PPP2R3A: variants seen among roughly 807,000 people sequenced by gnomAD.
PPP2R3A encodes the protein serine/threonine-protein phosphatase 2A regulatory subunit B'' subunit alpha.
In PPP2R3A, 80 loss-of-function variants were observed where a neutral mutation model predicts 106.9. That is an observed-to-expected ratio of 0.75 (90% CI 0.62 to 0.90). The LOEUF (loss-of-function observed/expected upper bound fraction) is 0.90. Ranked by LOEUF, PPP2R3A falls within the 40% of genes least tolerant of loss-of-function variation. The pLI is 0.00. For missense variants in PPP2R3A, 1,386 were observed against 1,350.4 expected, an observed-to-expected ratio of 1.03 and a Z score of -0.41; for synonymous variants, 483 against 468.3, an observed-to-expected ratio of 1.03 and a Z score of -0.41.
At chr3:136,035,097 G>A (rs1442004541) in intron 3 of PPP2R3A, among the ~76,000 whole-genome samples, 1 of 152,026 alleles carries the variant, frequency 6.6e-6, no homozygotes, top group African/African-American at 2.4e-5. Context: ...CCTTAAGTTT[G>A]TGCAAGTCCT....
At chr3:136,016,697 G>T (rs1229430749) in intron 2 of PPP2R3A, among the ~76,000 whole-genome samples, 1 of 152,048 alleles carries the variant, frequency 6.6e-6, no homozygotes, top group African/African-American at 2.4e-5. Flanking sequence ...TTAAGTCTCT[G>T]TGAGTCCTTA....
chr3:136,128,664 C>T (rs116814272), intron 13 of PPP2R3A, among the ~76,000 whole-genome samples: 12,432 of 152,108 alleles, frequency 0.082, 649 homozygotes, highest in African/African-American at 0.15. Context: ...CTGCAACAAG[C>T]GACCTAATAG....
Position 136,147,171 on chromosome 3 carries a change from A to G in PPP2R3A, c.*2005A>G, listed in dbSNP as rs1425438026. On this transcript the variant is annotated 3_prime_UTR_variant, in exon 14 of 14. Transcript: ENST00000264977. ...TCACTTGAGCCCAGGAGTAAAGACC[A>G]GCCTGGGCAACATAGTGAGACTCCG... is the stretch of plus-strand genomic sequence containing the variant. 1 of 152,240 alleles carries G rather than the reference A, an allele frequency of 6.6e-6. No homozygotes were observed. The highest frequency in any genetic ancestry group is 2.4e-5 in the African/African-American group (1 of 41,422). 9.4% of individuals were successfully genotyped at this position (152,240 alleles called of 1,614,324 possible).
intron 4 of PPP2R3A, among the ~76,000 whole-genome samples, chr3:136,041,229 G>A (rs1185957113): frequency 6.6e-5 from 6 of 90,292 alleles, no homozygotes; most frequent in Non-Finnish European, 1.2e-4. Flanking sequence ...GTTTTACTTG[G>A]TTTTTCTTGT....
At chr3:135,990,647 C>T (rs1214775317) in intron 1 of PPP2R3A, among the ~76,000 whole-genome samples, 1 of 152,100 alleles carries the variant, frequency 6.6e-6, no homozygotes, top group Admixed American at 6.6e-5. Context: ...TAGAAAGGGA[C>T]AGGACTTAAA....
intron 2 of PPP2R3A, among the ~76,000 whole-genome samples, chr3:136,024,107 A>G (rs1371531883): frequency 1.3e-5 from 2 of 152,136 alleles, no homozygotes; most frequent in Non-Finnish European, 2.9e-5. Context: ...TCTAAATGAT[A>G]CTGTGTTTAT....
intron 1 of PPP2R3A, among the ~76,000 whole-genome samples, chr3:135,983,783 A>G (rs1351238152): frequency 6.6e-6 from 1 of 152,156 alleles, no homozygotes; most frequent in Non-Finnish European, 1.5e-5. Flanking sequence ...ACATGCTTTT[A>G]ATTATGTCCT....
chr3:136,112,169 A>C lies in PPP2R3A; in HGVS notation c.3329+5847A>C, dbSNP rs1346891007. Among the ~76,000 whole-genome samples, 7 of 152,196 alleles carry C rather than the reference A, an allele frequency of 4.6e-5. No homozygotes were observed. In the South Asian group the frequency reaches 1.2e-3, roughly 27 times the overall value. On this transcript the variant is annotated intron_variant, in intron 13 of 13. Coordinates refer to ENST00000264977, the MANE Select transcript of PPP2R3A (RefSeq NM_002718.5). Reference sequence around the variant, plus strand: ...AAAATAATAAGGGCCATCTATGACAAACCCACAGCCAGCGTCACAATGAAT... The same window carrying C: ...AAAATAATAAGGGCCATCTATGACACACCCACAGCCAGCGTCACAATGAAT...
chr3:136,030,761 C>CATATATAT (rs374923726), intron 3 of PPP2R3A, among the ~76,000 whole-genome samples: 1,386 of 99,852 alleles, frequency 0.014, 25 homozygotes, highest in African/African-American at 0.023. Context: ...TATTCCATCA[C>CATATATAT]ATATATATAT....
intron 13 of PPP2R3A, among the ~76,000 whole-genome samples, chr3:136,124,787 A>T (rs1938123886): frequency 6.6e-6 from 1 of 152,128 alleles, no homozygotes; most frequent in South Asian, 2.1e-4. Context: ...AAAAGGTATA[A>T]ATTAACAGTA....
At chr3:136,129,772 A>C (rs1021392617) in intron 13 of PPP2R3A, among the ~76,000 whole-genome samples, 1 of 152,168 alleles carries the variant, frequency 6.6e-6, no homozygotes. Context: ...TCCTCAAAAT[A>C]CTGGCAGGCC....
Position 135,999,117 on chromosome 3 carries a change from A to T in PPP2R3A, c.-440-1942A>T, listed in dbSNP as rs545493611. ...ATATGTCATTTGGCATCATTCTCCC[A>T]GGGTCAGGCACAGAGTAGGAAATGT... On this transcript the variant is annotated intron_variant, in intron 1 of 13. Coordinates refer to ENST00000264977, the MANE Select transcript of PPP2R3A (RefSeq NM_002718.5). 8.3e-4 allele frequency among the ~76,000 whole-genome samples: 126 copies of T among 152,336 alleles called. 1 individual carries two copies. Among genetic ancestry groups the T allele is most frequent in the African/African-American group, 3.0e-3 (124 of 41,584 alleles).
chr3:136,061,679 G>A (rs1316979207), intron 5 of PPP2R3A, among the ~76,000 whole-genome samples: 1 of 151,950 alleles, frequency 6.6e-6, no homozygotes, highest in African/African-American at 2.4e-5. Context: ...CCAGTGCTTT[G>A]GGAGGCTGAG....
At chr3:136,121,793 G>A (rs1938006458) in intron 13 of PPP2R3A, among the ~76,000 whole-genome samples, 1 of 151,978 alleles carries the variant, frequency 6.6e-6, no homozygotes, top group African/African-American at 2.4e-5. Context: ...AAACTCAGCA[G>A]AAGATTTGGA....
chr3:136,109,526 AC>A (rs1382006855), intron 13 of PPP2R3A, among the ~76,000 whole-genome samples: 3 of 152,180 alleles, frequency 2.0e-5, no homozygotes, highest in Admixed American at 6.6e-5. Flanking sequence ...AGAAATTGAA[AC>A]CTATTACTTG....
intron 2 of PPP2R3A, among the ~76,000 whole-genome samples, chr3:136,024,158 AATTCT>A (rs1249788369): frequency 6.6e-6 from 1 of 152,114 alleles, no homozygotes; most frequent in Admixed American, 6.6e-5. Context: ...TTACCCAGCT[AATTCT>A]ATTCTAATGC....
intron 13 of PPP2R3A, among the ~76,000 whole-genome samples, chr3:136,112,588 C>T (rs1271366127): frequency 6.6e-6 from 1 of 152,156 alleles, no homozygotes; most frequent in Non-Finnish European, 1.5e-5. Flanking sequence ...TGAAAGATCT[C>T]TCTACAACAG....
At chr3:136,047,916 AAAG>A in intron 4 of PPP2R3A, among the ~76,000 whole-genome samples, 1 of 152,232 alleles carries the variant, frequency 6.6e-6, no homozygotes, top group Admixed American at 6.5e-5. Context: ...AAAAAAAAAA[AAAG>A]ATGAGAACAG....
chr3:135,969,112 TA>T (rs1559843584), intron 1 of PPP2R3A, among the ~76,000 whole-genome samples: 1 of 152,210 alleles, frequency 6.6e-6, no homozygotes, highest in Non-Finnish European at 1.5e-5. Flanking sequence ...CATAAGTATA[TA>T]TTTATGTAAT....
Sources: allele counts gnomAD v4.1 joint callset (sites outside exome capture counted in the v4.1 genomes callset), GRCh38; gene constraint gnomAD v4.1.1; transcripts MANE v1.5; gene names NCBI Gene and HGNC (gene_info 2026-07-23, HGNC 2026-07-21).